MGST1: variants seen among roughly 807,000 people sequenced by gnomAD.
MGST1 encodes the protein microsomal glutathione S-transferase 1, also known as glutathione S-transferase 12.
MGST1 carries 5 observed loss-of-function variants against 8.9 expected under a neutral mutation model. The observed-to-expected ratio is 0.56, with a 90% CI of 0.29 to 1.19. The LOEUF is 1.19. Ranked by LOEUF, MGST1 falls within the 50% of genes most tolerant of loss-of-function variation. The pLI, the probability that MGST1 is intolerant of heterozygous loss-of-function variation, is 0.08. For synonymous variants in MGST1, 54 were observed against 67.8 expected, an observed-to-expected ratio of 0.80 and a Z score of 1.00; for missense variants, 182 against 187.4, an observed-to-expected ratio of 0.97 and a Z score of 0.17.
chr12:16,514,440 C>T, intron 4 of MGST1: 1 of 276,336 alleles, frequency 3.6e-6, no homozygotes, highest in Admixed American at 4.4e-5. Flanking sequence ...CATTAGCATG[C>T]AGACTCAGCT....
chr12:16,400,308 A>G, intron 1 of MGST1: 1 of 797,554 alleles, frequency 1.3e-6, no homozygotes, highest in Non-Finnish European at 2.3e-6. Flanking sequence ...GCTGGAATGA[A>G]GCATGCTTAA....
intron 1 of MGST1, among the ~76,000 whole-genome samples, chr12:16,409,764 T>TA (rs1324762968): frequency 1.3e-5 from 2 of 152,114 alleles, no homozygotes; most frequent in African/African-American, 4.8e-5. Context: ...CACAGAAATG[T>TA]AAAAATATTC....
In MGST1 at chr12:16,513,669, C is replaced by CTA. The variant is rs1419814439; in HGVS notation, n.483-75859_483-75858insTA. The CTA allele has an allele frequency of 3.1e-5, 16 of 517,798 alleles. No individual in the cohort carries two copies. In the African/African-American group the frequency reaches 3.1e-4, roughly 10 times the overall value. 32.1% of individuals were successfully genotyped at this position (517,798 alleles called of 1,614,324 possible). A position where few individuals can be genotyped will look rare whatever the true frequency, so the allele number is the denominator to read the frequency against. On this transcript the variant is annotated intron_variant and non_coding_transcript_variant, in intron 4 of 4. Transcript: ENST00000538857. The surrounding 1 kb of genome is among the most constrained non-coding windows in gnomAD (Gnocchi z 4.2). ...CAGCCAAAAATTTGGACGAGGACTA[C>CTA]CTCTCCATTGGGCGGCTGGCTGAAT... is the stretch of plus-strand genomic sequence containing the variant.
At chr12:16,551,203 A>C (rs1386766229) in intron 4 of MGST1, 1 of 1,427,286 alleles carries the variant, frequency 7.0e-7, no homozygotes, top group Non-Finnish European at 9.9e-7. Flanking sequence ...TGTATTCTTA[A>C]TGGGGTGATG....
intron 4 of MGST1, among the ~76,000 whole-genome samples, chr12:16,516,198 G>A (rs772650718): frequency 6.6e-6 from 1 of 152,056 alleles, no homozygotes; most frequent in Non-Finnish European, 1.5e-5. Context: ...TGTAGGTAAG[G>A]GCGCTTCACA....
At chr12:16,532,155 G>A (rs930769454) in intron 4 of MGST1, among the ~76,000 whole-genome samples, 1 of 152,106 alleles carries the variant, frequency 6.6e-6, no homozygotes. Flanking sequence ...AGCAGGTGTC[G>A]AGTGTCTTTC....
intron 1 of MGST1, among the ~76,000 whole-genome samples, chr12:16,403,727 T>C (rs897687336): frequency 2.0e-5 from 3 of 152,054 alleles, no homozygotes; most frequent in East Asian, 3.9e-4. Flanking sequence ...AGGAAACTTA[T>C]AGTCATGGCA....
chr12:16,568,678 C>G (rs181942658), intron 4 of MGST1, among the ~76,000 whole-genome samples: 1 of 152,186 alleles, frequency 6.6e-6, no homozygotes, highest in African/African-American at 2.4e-5. Flanking sequence ...GCATTAAATA[C>G]GTTGTTTAAA....
intron 4 of MGST1, among the ~76,000 whole-genome samples, chr12:16,465,302 T>C (rs1256290777): frequency 6.6e-6 from 1 of 152,192 alleles, no homozygotes; most frequent in Non-Finnish European, 1.5e-5. Context: ...AACCTACATT[T>C]TATGGGAAAG....
intron 4 of MGST1, among the ~76,000 whole-genome samples, chr12:16,452,819 A>T (rs1565457603): frequency 6.6e-6 from 1 of 151,948 alleles, no homozygotes; most frequent in East Asian, 1.9e-4. Context: ...GGGCATTAAA[A>T]TGTTCTGGCC....
Position 16,354,358 on chromosome 12 carries a change from T to C in MGST1, c.106T>C (p.Phe36Leu), listed in dbSNP as rs546043506. The C allele has an allele frequency of 4.7e-5, 75 of 1,595,868 alleles. No individual in the cohort carries two copies. In the East Asian group the frequency reaches 1.7e-3, roughly 36 times the overall value. Residue 36 changes from phenylalanine (F) to leucine (L), a missense_variant, in exon 2 of 4, where the codon TTC becomes CTC. Coordinates refer to ENST00000396210, the MANE Select transcript of MGST1 (RefSeq NM_020300.5). ...KMMLMSTATA[F>L]YRLTRKVFAN... is the part of the protein sequence containing the mutation. ...GATGCTTATGAGTACTGCAACTGCA[T>C]TCTATAGATTGACAAGAAAGGTAAG...
exon 4 of MGST1, chr12:16,376,216 G>T: frequency 1.3e-6 from 1 of 755,650 alleles, no homozygotes; most frequent in African/African-American, 1.8e-5. Context: ...TTTCCTTGTA[G>T]AAGCAAACCA....
chr12:16,588,413 C>A (rs1248877741), intron 4 of MGST1, among the ~76,000 whole-genome samples: 1 of 151,760 alleles, frequency 6.6e-6, no homozygotes, highest in African/African-American at 2.4e-5. Context: ...ATAAAGAAAA[C>A]CTAAAACAAC....
intron 1 of MGST1, among the ~76,000 whole-genome samples, chr12:16,387,391 C>T (rs1343691705): frequency 2.0e-5 from 3 of 152,148 alleles, no homozygotes; most frequent in Non-Finnish European, 4.4e-5. Context: ...CACCAACCTA[C>T]TGGGTTGCAA....
chr12:16,534,749 G>C (rs2137204765), intron 4 of MGST1, among the ~76,000 whole-genome samples: 1 of 151,846 alleles, frequency 6.6e-6, no homozygotes, highest in Admixed American at 6.6e-5. Context: ...AATGGGAAAT[G>C]ATAATGATTC....
chr12:16,379,945 G>T (rs1185046910), downstream of MGST1, among the ~76,000 whole-genome samples: 1 of 152,110 alleles, frequency 6.6e-6, no homozygotes, highest in Non-Finnish European at 1.5e-5. Context: ...AGAGGTGTTT[G>T]TAGTATTCTC....
chr12:16,486,602 C>T (rs2137151639), intron 4 of MGST1, among the ~76,000 whole-genome samples: 2 of 152,198 alleles, frequency 1.3e-5, no homozygotes, highest in Admixed American at 1.3e-4. Context: ...AATAGAAAAT[C>T]CAAGAGACAA....
chr12:16,350,357 A>G (rs1939406946), intron 1 of MGST1, among the ~76,000 whole-genome samples: 1 of 152,226 alleles, frequency 6.6e-6, no homozygotes, highest in Admixed American at 6.5e-5. Flanking sequence ...CAAACAAACC[A>G]CTGTGCAAAC....
rs1268200704 is a variant in MGST1 at position 16,517,942 on chromosome 12, G to T, written n.483-71586G>T. Among the ~76,000 whole-genome samples, 1 of 152,128 alleles carries T rather than the reference G, an allele frequency of 6.6e-6. No individual in the cohort carries two copies. The highest frequency in any genetic ancestry group is 1.5e-5 in the Non-Finnish European group (1 of 68,036). ...TGATGTGATAAAACAATCAAATGTTGTTCTTCACACCCAAGGACCAGACAC... is the reference window on the plus strand; with the variant it reads ...TGATGTGATAAAACAATCAAATGTTTTTCTTCACACCCAAGGACCAGACAC... On this transcript the variant is annotated intron_variant and non_coding_transcript_variant, in intron 4 of 4. Coordinates refer to the MGST1 transcript ENST00000538857. This position sits in a 1 kb window ranked among gnomAD's most constrained non-coding sequence, Gnocchi z 4.2.
Sources: allele counts gnomAD v4.1 joint callset (sites outside exome capture counted in the v4.1 genomes callset), GRCh38; gene constraint gnomAD v4.1.1; non-coding constraint Gnocchi (gnomAD v3.1); transcripts MANE v1.5; gene names NCBI Gene and HGNC (gene_info 2026-07-23, HGNC 2026-07-21).